The following VPS54 variants were observed in gnomAD, a reference collection of about 807,000 sequenced individuals.
The protein encoded by VPS54 is VPS54 subunit of GARP complex.
VPS54 carries 45 observed loss-of-function variants against 121.5 expected under a neutral mutation model. The observed-to-expected ratio is 0.37, with a 90% CI of 0.29 to 0.47. VPS54 has a LOEUF of 0.47. VPS54 is among the 20% of genes least tolerant of loss of function. The pLI is 0.99. For synonymous variants in VPS54, 371 were observed against 385.8 expected, an observed-to-expected ratio of 0.96 and a Z score of 0.45; for missense variants, 1,090 against 1,131.4, an observed-to-expected ratio of 0.96 and a Z score of 0.52.
At chr2:63,914,896 G>T (rs1288473536) in intron 16 of VPS54, among the ~76,000 whole-genome samples, 2 of 152,052 alleles carry the variant, frequency 1.3e-5, no homozygotes, top group Non-Finnish European at 2.9e-5. Context: ...CACTTTGGGA[G>T]GTCAAGGCAG....
chr2:63,944,549 C>T, intron 10 of VPS54, 51 bp downstream of exon 10: 1 of 1,486,046 alleles, frequency 6.7e-7, no homozygotes, highest in African/African-American at 1.4e-5. Flanking sequence ...TAATTTACAT[C>T]TATCATCTTT....
chr2:63,939,760 A>G (rs942058338), intron 11 of VPS54, among the ~76,000 whole-genome samples: 1 of 133,800 alleles, frequency 7.5e-6, no homozygotes, highest in Non-Finnish European at 1.7e-5. Context: ...GTACATCTAC[A>G]TCTTGCCTTT....
At chr2:63,951,266 T>C (rs1176849928) in intron 7 of VPS54, among the ~76,000 whole-genome samples, 2 of 148,158 alleles carry the variant, frequency 1.3e-5, no homozygotes, top group Non-Finnish European at 3.0e-5. Context: ...CAATCTACTA[T>C]ACACATCAAG....
chr2:63,984,137 A>C, intron 1 of VPS54, 118 bp from the exon 2 acceptor site: 1 of 806,102 alleles, frequency 1.2e-6, no homozygotes, highest in African/African-American at 1.7e-5. Context: ...AAAGTAGGCA[A>C]TTTGAATATT....
At chr2:63,943,652 T>G (rs1033494690) in intron 10 of VPS54, among the ~76,000 whole-genome samples, 3 of 152,060 alleles carry the variant, frequency 2.0e-5, no homozygotes, top group African/African-American at 7.2e-5. Flanking sequence ...AACAAGAAAT[T>G]CAGTCATAAA....
intron 1 of VPS54, among the ~76,000 whole-genome samples, chr2:64,013,530 T>C (rs1278545116): frequency 1.3e-5 from 2 of 149,184 alleles, no homozygotes; most frequent in African/African-American, 5.0e-5. Context: ...TCAAATAATG[T>C]TATTAAGTAA....
chr2:63,938,890 A>G (rs1674587943), intron 11 of VPS54, among the ~76,000 whole-genome samples: 1 of 152,230 alleles, frequency 6.6e-6, no homozygotes, highest in Non-Finnish European at 1.5e-5. Context: ...TGTGCACTTA[A>G]AATCAGTTAA....
intron 1 of VPS54, among the ~76,000 whole-genome samples, chr2:63,987,460 G>A (rs959106105): frequency 9.2e-5 from 13 of 141,916 alleles, no homozygotes; most frequent in East Asian, 2.0e-4. Context: ...CACATCATGC[G>A]GTTCTTCCAA....
At chr2:63,896,082 C>T (rs1257618356) in intron 22 of VPS54, among the ~76,000 whole-genome samples, 1 of 152,192 alleles carries the variant, frequency 6.6e-6, no homozygotes, top group African/African-American at 2.4e-5. Flanking sequence ...ATTATCTTTT[C>T]AGGAGCAGGT....
At chr2:63,919,764 C>T in intron 15 of VPS54, 119 bp downstream of exon 15, 1 of 613,664 alleles carries the variant, frequency 1.6e-6, no homozygotes, top group Non-Finnish European at 2.7e-6. Context: ...ATTTACTAAG[C>T]TGGAAATATT....
At chr2:63,931,742 T>C (rs1674214622) in intron 12 of VPS54, among the ~76,000 whole-genome samples, 1 of 152,206 alleles carries the variant, frequency 6.6e-6, no homozygotes, top group Non-Finnish European at 1.5e-5. Context: ...GAGAAAATTT[T>C]TGCAATCTAC....
chr2:63,983,685 G>A (rs1423882882), intron 2 of VPS54, among the ~76,000 whole-genome samples, 179 bp downstream of exon 2: 7 of 151,424 alleles, frequency 4.6e-5, no homozygotes, highest in East Asian at 3.9e-4. Context: ...CTCGTGAACC[G>A]CCCACCTCAG....
chr2:63,993,813 T>C (rs1007400599), intron 1 of VPS54, among the ~76,000 whole-genome samples: 14 of 152,218 alleles, frequency 9.2e-5, no homozygotes, highest in African/African-American at 3.4e-4. Context: ...GCTGTTACAG[T>C]GTTCACTGAT....
At chr2:63,969,766 G>C (rs1346791073) in intron 4 of VPS54, among the ~76,000 whole-genome samples, 1 of 152,062 alleles carries the variant, frequency 6.6e-6, no homozygotes, top group African/African-American at 2.4e-5. Context: ...AAAAGATTGA[G>C]GACTGCTGTG....
chr2:63,985,682 C>A (rs1466531711), intron 1 of VPS54, among the ~76,000 whole-genome samples: 1 of 30,100 alleles, frequency 3.3e-5, no homozygotes, highest in Non-Finnish European at 6.3e-5. Context: ...ACAAATTATA[C>A]ACACACACAC....
chr2:63,985,449 T>G (rs1271535162), intron 1 of VPS54, among the ~76,000 whole-genome samples: 1 of 152,180 alleles, frequency 6.6e-6, no homozygotes, highest in African/African-American at 2.4e-5. Flanking sequence ...CTCAGTACTT[T>G]CAAAGCAAAG....
chr2:63,987,668 TCTTTC>T (rs71393345), intron 1 of VPS54, among the ~76,000 whole-genome samples: 26,697 of 152,068 alleles, frequency 0.18, 3,022 homozygotes, highest in Middle Eastern at 0.28. Context: ...ACACAGAATA[TCTTTC>T]CTTTGTGTGT....
At chr2:63,975,706 A>C (rs1676492829) in intron 3 of VPS54, 1 of 152,178 alleles carries the variant, frequency 6.6e-6, no homozygotes, top group Non-Finnish European at 1.5e-5. Flanking sequence ...TGTCCTTAAA[A>C]ACTCTGATCC....
In VPS54 at chr2:63,981,745, T is replaced by C. The variant is rs1676810729; in HGVS notation, c.279A>G (p.Thr93=). 2.5e-6 allele frequency: 4 copies of C among 1,613,838 alleles called. No homozygotes were observed. Among genetic ancestry groups the C allele is most frequent in the African/African-American group, 1.3e-5 (1 of 75,052 alleles). ...CAGTGTCCACAAAGTCCAATCCCCATGTTTTTGTGAAGAAGTCAGATTCTC... is the reference window on the plus strand; with the variant it reads ...CAGTGTCCACAAAGTCCAATCCCCACGTTTTTGTGAAGAAGTCAGATTCTC... ...AKRESDFFTK[T]WGLDFVDTEV... Residue 93 remains threonine (T), a synonymous_variant, in exon 3 of 23, where the codon ACA becomes ACG. Transcript: ENST00000272322.
Sources: gnomAD v4.1 joint callset for allele counts (sites outside exome capture counted in the v4.1 genomes callset) on GRCh38, gnomAD v4.1.1 for gene constraint, MANE v1.5 for transcripts, NCBI Gene and HGNC (gene_info 2026-07-23, HGNC 2026-07-21) for gene names.